The following SRRM3 variants were observed in gnomAD, a reference collection of about 807,000 sequenced individuals.
The protein encoded by SRRM3 is serine/arginine repetitive matrix protein 3.
A neutral mutation model predicts 66.2 loss-of-function variants in SRRM3; 27 were observed. The observed-to-expected ratio is 0.41, with a 90% confidence interval of 0.30 to 0.56. The LOEUF is 0.56. Ranked by LOEUF, SRRM3 falls within the 20% of genes least tolerant of loss-of-function variation. SRRM3 has a pLI of 0.32. For synonymous variants in SRRM3, 391 were observed against 414.9 expected, an observed-to-expected ratio of 0.94 and a Z score of 0.70; for missense variants, 918 against 991.9, an observed-to-expected ratio of 0.93 and a Z score of 1.00.
intron 10 of SRRM3, among the ~76,000 whole-genome samples, chr7:76,265,995 A>G (rs1480016352): frequency 1.4e-5 from 1 of 72,674 alleles, no homozygotes; most frequent in Non-Finnish European, 2.1e-5. Context: ...CAGCCTCCCA[A>G]GTAGCTGGGA....
chr7:76,260,253 G>A, intron 5 of SRRM3, 56 bp downstream of exon 5: 2 of 1,357,694 alleles, frequency 1.5e-6, no homozygotes, highest in South Asian at 1.4e-5. Flanking sequence ...GTCTCTCCCC[G>A]GATGCCCGTC....
chr7:76,275,077 G>A lies in SRRM3; in HGVS notation c.1009-6364G>A, dbSNP rs1554610916. On this transcript the variant is annotated intron_variant, in intron 11 of 14. Transcript: ENST00000611745. Reference sequence around the variant, plus strand: ...GCCTAGATCGTGCCACTGCACTCCAGCATGGGTGACAGAACAAGACTCAGT... The same window carrying A: ...GCCTAGATCGTGCCACTGCACTCCAACATGGGTGACAGAACAAGACTCAGT... Among the ~76,000 whole-genome samples the A allele has an allele frequency of 2.0e-5, 3 of 148,078 alleles. 1 individual carries two copies. The highest frequency in any genetic ancestry group is 4.4e-5 in the Non-Finnish European group (3 of 67,546).
chr7:76,264,845 C>A (rs369619153), intron 9 of SRRM3, 30 bp downstream of exon 9: 12 of 1,610,842 alleles, frequency 7.4e-6, no homozygotes, highest in East Asian at 6.7e-5. Flanking sequence ...TCCAGCCCCC[C>A]ATTCGTTCTC....
chr7:76,284,330 A>C (rs1329289683), intron 14 of SRRM3, among the ~76,000 whole-genome samples: 13 of 151,794 alleles, frequency 8.6e-5, no homozygotes, highest in Admixed American at 8.5e-4. Context: ...ACCCACCACC[A>C]CGCCCAGCTA....
intron 3 of SRRM3, among the ~76,000 whole-genome samples, chr7:76,252,511 G>C (rs1437629267): frequency 3.9e-5 from 6 of 152,124 alleles, no homozygotes; most frequent in Admixed American, 2.0e-4. Context: ...TAGTAGAGAT[G>C]GGGTTTTGCC....
At chr7:76,206,304 G>A (rs577046872) in intron 1 of SRRM3, among the ~76,000 whole-genome samples, 2 of 151,634 alleles carry the variant, frequency 1.3e-5, no homozygotes, top group East Asian at 3.9e-4. Flanking sequence ...CGGATGAGGG[G>A]AAGGGAAGGG....
chr7:76,211,816 CTATTATTATTATTATTATTAT>C (rs60646233), intron 1 of SRRM3, among the ~76,000 whole-genome samples: 3,086 of 140,620 alleles, frequency 0.022, 110 homozygotes, highest in African/African-American at 0.076. Context: ...ACTATTACTA[CTATTATTATTATTATTATTAT>C]TATTATTATT....
intron 11 of SRRM3, among the ~76,000 whole-genome samples, chr7:76,275,105 C>CAAAAAA (rs199917871): frequency 1.2e-5 from 1 of 85,596 alleles, no homozygotes; most frequent in Non-Finnish European, 2.4e-5. Flanking sequence ...GACTCAGTCT[C>CAAAAAA]AAAAAAAAAA....
intron 1 of SRRM3, among the ~76,000 whole-genome samples, chr7:76,231,121 ACC>A (rs1355112627): frequency 2.0e-5 from 3 of 151,994 alleles, no homozygotes; most frequent in East Asian, 3.9e-4. Context: ...TCCTGCAGTC[ACC>A]CCCTGGTCTG....
chr7:76,278,389 A>G (rs1230242447), intron 11 of SRRM3, among the ~76,000 whole-genome samples: 4 of 152,198 alleles, frequency 2.6e-5, no homozygotes, highest in Non-Finnish European at 5.9e-5. Flanking sequence ...TGGGAGGCTG[A>G]AGCAGGAGAA....
rs35985626 is a variant in SRRM3 at position 76,275,497 on chromosome 7, C to CAAA, written c.1009-5926_1009-5924dup. On this transcript the variant is annotated intron_variant, in intron 11 of 14. Transcript: ENST00000611745. ...GAGCGAGACTCAGTCCCTGCTCCCT[C>CAAA]AAAAAAAAAAAAAAAAAAAAGAAAA... Among the ~76,000 whole-genome samples the CAAA allele has an allele frequency of 8.5e-5, 6 of 70,910 alleles. No homozygotes were observed. In the South Asian group the frequency reaches 1.9e-3, roughly 22 times the overall value. The allele number at this position is 70,910 out of a possible 152,430, so 46.5% of individuals were successfully genotyped here.
At chr7:76,284,333 C>A (rs1802605145) in intron 14 of SRRM3, among the ~76,000 whole-genome samples, 1 of 152,034 alleles carries the variant, frequency 6.6e-6, no homozygotes, top group Admixed American at 6.6e-5. Flanking sequence ...CACCACCACG[C>A]CCAGCTAATT....
At chr7:76,261,686 CT>C in intron 8 of SRRM3, 105 bp downstream of exon 8, 1 of 1,278,528 alleles carries the variant, frequency 7.8e-7, no homozygotes, top group Non-Finnish European at 1.1e-6. Context: ...GGGCTCCATC[CT>C]TCAGCTCCAG....
intron 1 of SRRM3, among the ~76,000 whole-genome samples, chr7:76,203,827 G>A (rs1800222449): frequency 6.6e-6 from 1 of 152,134 alleles, no homozygotes; most frequent in South Asian, 2.1e-4. Flanking sequence ...TGAGTATCAA[G>A]GCCCAGTTCA....
chr7:76,285,831 C>G lies in SRRM3; in HGVS notation c.1950C>G (p.Ser650Arg), dbSNP rs782262141. 67 of 1,549,378 alleles carry G rather than the reference C, an allele frequency of 4.3e-5. No individual in the cohort carries two copies. The African/African-American group carries it at 8.1e-4, about 19-fold the overall frequency. The change falls in exon 15 of 15, where the codon AGC (serine) becomes AGG (arginine). Residue 650 changes from serine to arginine, a missense_variant. Ser to Arg is a moderately radical substitution (Grantham distance 110). Coordinates refer to ENST00000611745, the MANE Select transcript of SRRM3 (RefSeq NM_001110199.3). The surrounding 1 kb of genome is among the most constrained non-coding windows in gnomAD (Gnocchi z 4.1). ...ACCACAGCCGGAGCAGCTCTGAGAG[C>G]GGGGGCTTCTGAGCCCAGACAGACT... The part of the protein sequence containing the change: ...PSYHSRSSSE[S>R]GGF
chr7:76,254,172 G>GT (rs1191846141), intron 3 of SRRM3, among the ~76,000 whole-genome samples: 10 of 151,124 alleles, frequency 6.6e-5, no homozygotes, highest in African/African-American at 1.9e-4. Context: ...TAATCTACAT[G>GT]TTTTTTGTTT....
chr7:76,264,959 A>G, intron 9 of SRRM3, 144 bp downstream of exon 9: 1 of 963,886 alleles, frequency 1.0e-6, no homozygotes, highest in Non-Finnish European at 1.5e-6. Flanking sequence ...AAGAAAGCCA[A>G]GGGCTCTTGC....
intron 1 of SRRM3, among the ~76,000 whole-genome samples, chr7:76,233,178 G>T (rs1161076311): frequency 6.6e-6 from 1 of 152,178 alleles, no homozygotes; most frequent in African/African-American, 2.4e-5. Flanking sequence ...GGGTATGGTG[G>T]CACATGCCTG....
chr7:76,266,323 T>G (rs1554609658), intron 10 of SRRM3, among the ~76,000 whole-genome samples: 1 of 117,280 alleles, frequency 8.5e-6, no homozygotes, highest in African/African-American at 3.6e-5. Flanking sequence ...TATTTTAATA[T>G]AAATATTAAT....
Sources: gnomAD v4.1 joint callset for allele counts (sites outside exome capture counted in the v4.1 genomes callset) on GRCh38, gnomAD v4.1.1 for gene constraint, Gnocchi (gnomAD v3.1) non-coding constraint, MANE v1.5 for transcripts, NCBI Gene and HGNC (gene_info 2026-07-23, HGNC 2026-07-21) for gene names.